Variants in TENM2 observed in about 807,000 individuals in gnomAD.
TENM2 encodes the protein teneurin-2.
TENM2 carries 52 observed loss-of-function variants against 245.2 expected under a neutral mutation model. That is an observed-to-expected ratio of 0.21 (90% confidence interval 0.17 to 0.27). The LOEUF is 0.27. Ranked by LOEUF, TENM2 falls within the 10% of genes least tolerant of loss-of-function variation. TENM2 has a pLI of 1.00. For missense variants in TENM2, 3,046 were observed against 3,666.8 expected, an observed-to-expected ratio of 0.83 and a Z score of 4.37; for synonymous variants, 1,363 against 1,438.9, an observed-to-expected ratio of 0.95 and a Z score of 1.19.
chr5:167,666,139 C>A (rs552455480), intron 2 of TENM2, among the ~76,000 whole-genome samples: 1 of 152,334 alleles, frequency 6.6e-6, no homozygotes, highest in Non-Finnish European at 1.5e-5. Flanking sequence ...GGGCAGGTCC[C>A]TGAGGGTGAC....
At chr5:168,051,023 G>T (rs1369209815) in intron 6 of TENM2, among the ~76,000 whole-genome samples, 1 of 152,140 alleles carries the variant, frequency 6.6e-6, no homozygotes, top group Non-Finnish European at 1.5e-5. Context: ...GTAGATCTGG[G>T]ATTAGATAAG....
At chr5:168,192,333 A>G (rs10071240) in intron 14 of TENM2, among the ~76,000 whole-genome samples, 2,048 of 152,268 alleles carry the variant, frequency 0.013, 57 homozygotes, top group African/African-American at 0.047. Flanking sequence ...ACAACCTACT[A>G]TGACTCTAAG....
intron 3 of TENM2, among the ~76,000 whole-genome samples, chr5:167,912,720 G>C (rs1020647303): frequency 1.3e-5 from 2 of 152,200 alleles, no homozygotes; most frequent in Admixed American, 1.3e-4. Flanking sequence ...GGAACAGTTA[G>C]AGGTCAGTTA....
chr5:167,584,465 T>C (rs1229963557), intron 2 of TENM2, among the ~76,000 whole-genome samples: 2 of 152,178 alleles, frequency 1.3e-5, no homozygotes, highest in Admixed American at 1.3e-4. Flanking sequence ...ACCAGTCTGA[T>C]TGGTTGGGGG....
At chr5:167,112,056 G>A in the TENM2 span, among the ~76,000 whole-genome samples, 1 of 152,166 alleles carries the variant, frequency 6.6e-6, no homozygotes, top group African/African-American at 2.4e-5. Flanking sequence ...CAAAATGTAT[G>A]TTAGGCTGGG....
chr5:167,537,948 C>T (rs1038451877), intron 2 of TENM2, among the ~76,000 whole-genome samples: 3 of 152,194 alleles, frequency 2.0e-5, no homozygotes, highest in Non-Finnish European at 4.4e-5. Context: ...AGCTGTCAAA[C>T]AAGCAGTCAG....
chr5:167,823,384 ACACT>A (rs748581534), intron 2 of TENM2, among the ~76,000 whole-genome samples: 13 of 152,202 alleles, frequency 8.5e-5, no homozygotes, highest in Non-Finnish European at 1.3e-4. Context: ...ACCCACCCAC[ACACT>A]CACACACACG....
chr5:168,214,990 C>T (rs1038049442), intron 20 of TENM2, 50 bp from the exon 23 acceptor site: 21 of 1,512,012 alleles, frequency 1.4e-5, no homozygotes, highest in East Asian at 9.0e-5. Context: ...ATCTAGGAGG[C>T]CAGCTCCATA....
intron 4 of TENM2, among the ~76,000 whole-genome samples, chr5:167,957,440 A>G (rs1463900430): frequency 6.6e-6 from 1 of 151,988 alleles, no homozygotes; most frequent in Non-Finnish European, 1.5e-5. Context: ...GGATTCATTA[A>G]TTTTTTGAAG....
At chr5:167,774,500 C>T (rs902185131) in intron 2 of TENM2, among the ~76,000 whole-genome samples, 2 of 152,156 alleles carry the variant, frequency 1.3e-5, no homozygotes, top group African/African-American at 4.8e-5. Context: ...CTTTTCATCT[C>T]ACCATGTATC....
In TENM2 at chr5:167,602,461, G is replaced by A. The variant is rs552251553; in HGVS notation, c.502+226988G>A. Among the ~76,000 whole-genome samples, 412 of 152,164 alleles carry A rather than the reference G, an allele frequency of 2.7e-3. 1 individual carries two copies. The highest frequency in any genetic ancestry group is 0.017 in the South Asian group (83 of 4,820). ...TTTTTATTGATGAGGACAGAGCAAA[G>A]AAAAAATATTTCTCTATCAATTTCT... is the stretch of plus-strand genomic sequence containing the variant. On this transcript the variant is annotated intron_variant, in intron 2 of 28. Coordinates refer to ENST00000518659, the Ensembl canonical transcript of TENM2.
intron 2 of TENM2, among the ~76,000 whole-genome samples, chr5:167,740,322 C>T (rs550159585): frequency 4.6e-5 from 7 of 152,258 alleles, no homozygotes; most frequent in Admixed American, 2.6e-4. Context: ...AATTCAGAGC[C>T]GTTTGCATTT....
At chr5:167,520,034 C>A (rs954381846) in intron 2 of TENM2, among the ~76,000 whole-genome samples, 2 of 152,102 alleles carry the variant, frequency 1.3e-5, no homozygotes, top group Non-Finnish European at 2.9e-5. Context: ...AACCTTGATT[C>A]AATACTTTGT....
chr5:167,869,827 A>C (rs1304725170), intron 2 of TENM2, among the ~76,000 whole-genome samples: 1 of 151,802 alleles, frequency 6.6e-6, no homozygotes, highest in African/African-American at 2.4e-5. Context: ...AATGGCAAGG[A>C]GAACCACGTT....
At chr5:167,941,063 C>T (rs986923467) in intron 3 of TENM2, among the ~76,000 whole-genome samples, 7 of 152,132 alleles carry the variant, frequency 4.6e-5, no homozygotes, top group Non-Finnish European at 1.0e-4. Flanking sequence ...TTCAGTAACC[C>T]AAGAAGCCCT....
chr5:167,170,112 T>C, the TENM2 span, among the ~76,000 whole-genome samples: 1,714 of 152,334 alleles, frequency 0.011, 36 homozygotes, highest in African/African-American at 0.039. Context: ...AGTGTTTACA[T>C]GGAATCTTAT....
At chr5:167,996,153 T>C (rs1784032715) in intron 5 of TENM2, among the ~76,000 whole-genome samples, 1 of 152,140 alleles carries the variant, frequency 6.6e-6, no homozygotes, top group Non-Finnish European at 1.5e-5. Flanking sequence ...GTTTGGACAT[T>C]GCTCGGCCCC....
chr5:167,847,597 C>A (rs1770165481), intron 2 of TENM2, among the ~76,000 whole-genome samples: 1 of 152,198 alleles, frequency 6.6e-6, no homozygotes, highest in Non-Finnish European at 1.5e-5. Context: ...ATCCTAGATT[C>A]CTTCATACCT....
chr5:167,646,014 C>T (rs1779904545), intron 2 of TENM2, among the ~76,000 whole-genome samples: 1 of 151,306 alleles, frequency 6.6e-6, no homozygotes, highest in Non-Finnish European at 1.5e-5. Context: ...ATTGCTGTCA[C>T]AGCCAGCTTA....
Sources: gnomAD v4.1 joint callset for allele counts (sites outside exome capture counted in the v4.1 genomes callset) on GRCh38, gnomAD v4.1.1 for gene constraint, MANE v1.5 for transcripts, NCBI Gene and HGNC (gene_info 2026-07-23, HGNC 2026-07-21) for gene names.